Variants in GRHL1 observed in about 807,000 individuals in gnomAD.
The protein encoded by GRHL1 is grainyhead like transcription factor 1, also known as grainyhead-like protein 1 homolog.
Under a neutral mutation model 75.7 loss-of-function variants are expected in GRHL1, and 38 were observed. The ratio of observed to expected loss-of-function variants is 0.50; its 90% CI spans 0.39 to 0.66. GRHL1 has a LOEUF of 0.66. Among genes scored for constraint, GRHL1 ranks in the 30% least tolerant of loss-of-function variants. The pLI is 0.00. For missense variants in GRHL1, 589 were observed against 767.5 expected (o/e 0.77, Z 2.75); for synonymous variants, 266 against 279.4 (o/e 0.95, Z 0.48).
intron 2 of GRHL1, among the ~76,000 whole-genome samples, chr2:9,956,060 T>G (rs2125202662): frequency 6.6e-6 from 1 of 152,384 alleles, no homozygotes; most frequent in South Asian, 2.1e-4. Context: ...AGAAGCTTCT[T>G]AATGACAGTG....
intron 8 of GRHL1, 31 bp from the exon 9 acceptor site, chr2:9,986,093 T>C: frequency 6.4e-7 from 1 of 1,570,140 alleles, no homozygotes; most frequent in East Asian, 2.3e-5. Context: ...TTGGTGCCTG[T>C]TGCTTATGGA....
In GRHL1 at chr2:9,955,074, G is replaced by GCTGGGCCTGCT; in HGVS notation, c.183_193dup (p.Tyr65TrpfsTer39). ...ATGGAGATGAAGACAGCGCCGCTGC[G>GCTGGGCCTGCT]CTGGGCCTGCTCTATGACTACTACA... On this transcript the variant is annotated frameshift_variant, in exon 2 of 16. Coordinates refer to ENST00000324907, the MANE Select transcript of GRHL1 (RefSeq NM_198182.3). LOFTEE classifies it high-confidence loss of function. The GCTGGGCCTGCT allele has an allele frequency of 1.2e-6, 2 of 1,613,390 alleles. No homozygotes were observed. Among genetic ancestry groups the GCTGGGCCTGCT allele is most frequent in the Non-Finnish European group, 1.7e-6 (2 of 1,179,442 alleles).
intron 8 of GRHL1, among the ~76,000 whole-genome samples, chr2:9,985,354 C>T (rs995629815): frequency 2.6e-5 from 4 of 152,142 alleles, no homozygotes; most frequent in Non-Finnish European, 4.4e-5. Context: ...GTTTAGTGAT[C>T]GTTAAGTTCT....
intron 8 of GRHL1, among the ~76,000 whole-genome samples, chr2:9,972,498 A>G (rs1295853456): frequency 6.6e-6 from 1 of 152,050 alleles, no homozygotes; most frequent in Non-Finnish European, 1.5e-5. Flanking sequence ...TTTTATGTGG[A>G]GCTCTTCTGC....
In GRHL1 at chr2:9,998,649, T is replaced by TAC. The variant is rs1170594803; in HGVS notation, c.1678-314_1678-313dup. Among the ~76,000 whole-genome samples the TAC allele has an allele frequency of 6.9e-5, 3 of 43,632 alleles. 1 individual carries two copies. Among genetic ancestry groups the TAC allele is most frequent in the East Asian group, 4.4e-4 (1 of 2,294 alleles). 28.6% of individuals were successfully genotyped at this position (43,632 alleles called of 152,430 possible). ...ACATATACATATATATGTACACATA[T>TAC]ACATATACATATATATGTACACATA... On this transcript the variant is annotated intron_variant, in intron 14 of 15. Coordinates refer to ENST00000324907, the MANE Select transcript of GRHL1 (RefSeq NM_198182.3).
At chr2:9,984,941 A>C (rs904118092) in intron 8 of GRHL1, among the ~76,000 whole-genome samples, 3 of 151,486 alleles carry the variant, frequency 2.0e-5, no homozygotes, top group African/African-American at 7.3e-5. Flanking sequence ...GGTGGCGCAC[A>C]CCTGTGATCC....
chr2:9,991,858 T>C (rs2125241960), intron 10 of GRHL1, 149 bp from the exon 11 acceptor site: 1 of 521,002 alleles, frequency 1.9e-6, no homozygotes, highest in East Asian at 3.1e-5. Context: ...TAAACTGGGA[T>C]TCTTAGGCAG....
intron 8 of GRHL1, among the ~76,000 whole-genome samples, chr2:9,982,544 A>C (rs958775231): frequency 3.3e-5 from 5 of 152,226 alleles, no homozygotes; most frequent in African/African-American, 1.2e-4. Context: ...GCACTGTTGT[A>C]CAGACAGGAT....
At chr2:9,991,079 T>G (rs763552741) in intron 10 of GRHL1, among the ~76,000 whole-genome samples, 1 of 152,226 alleles carries the variant, frequency 6.6e-6, no homozygotes, top group African/African-American at 2.4e-5. Context: ...TTGGGACTTA[T>G]CTAGATTTTT....
At chr2:9,973,746 A>G (rs1048323997) in intron 8 of GRHL1, among the ~76,000 whole-genome samples, 1 of 152,190 alleles carries the variant, frequency 6.6e-6, no homozygotes, top group African/African-American at 2.4e-5. Context: ...AATTTAGTAG[A>G]TAGGTTACTT....
chr2:9,993,764 G>T (rs1249707904), intron 12 of GRHL1, among the ~76,000 whole-genome samples: 1 of 152,184 alleles, frequency 6.6e-6, no homozygotes, highest in African/African-American at 2.4e-5. Context: ...GTTACTAATG[G>T]TGTTCTTTGG....
chr2:10,001,700 AG>A lies in GRHL1; in HGVS notation c.*994del, dbSNP rs1669274512. On this transcript the variant is annotated 3_prime_UTR_variant, in exon 16 of 16. Transcript: ENST00000324907. ...TGCACTGTTTAACAAATGAAGTAAA[AG>A]AAAAACACTACTGCAATCACGTCTT... is the stretch of plus-strand genomic sequence containing the variant. 6.6e-6 allele frequency: 1 copy of A among 152,238 alleles called. No individual in the cohort carries two copies. Among genetic ancestry groups the A allele is most frequent in the South Asian group, 2.1e-4 (1 of 4,838 alleles). 9.4% of individuals were successfully genotyped at this position (152,238 alleles called of 1,614,324 possible). A position where few individuals can be genotyped will look rare whatever the true frequency, so the allele number is the denominator to read the frequency against.
At chr2:9,996,089 A>G in intron 13 of GRHL1, 119 bp downstream of exon 13, 1 of 777,322 alleles carries the variant, frequency 1.3e-6, no homozygotes, top group East Asian at 2.5e-5. Context: ...GAATTCTTCC[A>G]TCAGACTGAC....
In GRHL1 at chr2:9,954,992, G is replaced by A; in HGVS notation, c.98G>A (p.Trp33Ter). The A allele has an allele frequency of 1.2e-6, 2 of 1,613,436 alleles. No individual in the cohort carries two copies. The highest frequency in any genetic ancestry group is 1.7e-6 in the Non-Finnish European group (2 of 1,179,400). The change falls in exon 2 of 16, where the codon TGG becomes TAG. Residue 33 changes from tryptophan to a stop codon, truncating the protein, a stop_gained. Coordinates refer to ENST00000324907, the MANE Select transcript of GRHL1 (RefSeq NM_198182.3). LOFTEE classifies it high-confidence loss of function. ...TCCTACACTAGTGAGGATGAGGCCTGGAAATCCTTCCTGGAAAACCCTCTC... is the reference window on the plus strand; with the variant it reads ...TCCTACACTAGTGAGGATGAGGCCTAGAAATCCTTCCTGGAAAACCCTCTC... ...RRSYTSEDEA[W>*]KSFLENPLTA...
chr2:9,955,034 C>T lies in GRHL1; in HGVS notation c.140C>T (p.Ala47Val), dbSNP rs776139662. The T allele has an allele frequency of 2.5e-6, 4 of 1,613,480 alleles. No homozygotes were observed. The highest frequency in any genetic ancestry group is 1.1e-5 in the South Asian group (1 of 91,082). The change falls in exon 2 of 16, where the codon GCG becomes GTG. Residue 47 changes from alanine to valine, a missense_variant. Ala to Val is a moderately conservative substitution (Grantham distance 64). Around this residue, in one of 5 missense-constraint regions of GRHL1, gnomAD observed 362 missense variants for 461.8 expected, o/e 0.78. Coordinates refer to ENST00000324907, the MANE Select transcript of GRHL1 (RefSeq NM_198182.3). ...LENPLTAATKAMMSINGDEDS... is the reference protein window; with the variant it reads ...LENPLTAATKVMMSINGDEDS... ...AACCCTCTCACTGCAGCGACCAAAG[C>T]GATGATGAGCATCAATGGAGATGAA...
intron 5 of GRHL1, among the ~76,000 whole-genome samples, chr2:9,963,126 A>G (rs1667344197): frequency 6.6e-6 from 1 of 152,230 alleles, no homozygotes; most frequent in Admixed American, 6.5e-5. Context: ...GACTTCCCTT[A>G]TAGATCTGCC....
At chr2:9,969,365 T>TA (rs1185081637) in intron 8 of GRHL1, among the ~76,000 whole-genome samples, 1 of 152,228 alleles carries the variant, frequency 6.6e-6, no homozygotes, top group Non-Finnish European at 1.5e-5. Flanking sequence ...TCCATGCTAT[T>TA]ACGTGCTTGG....
At chr2:9,988,557 G>A (rs1047813341) in intron 9 of GRHL1, among the ~76,000 whole-genome samples, 3 of 152,016 alleles carry the variant, frequency 2.0e-5, no homozygotes, top group South Asian at 2.1e-4. Context: ...TGAAGATCTC[G>A]GAGCTCTTTC....
intron 14 of GRHL1, among the ~76,000 whole-genome samples, chr2:9,997,445 C>G (rs916960730): frequency 2.0e-5 from 3 of 152,168 alleles, no homozygotes; most frequent in Admixed American, 2.0e-4. Flanking sequence ...CAGCGCCGTT[C>G]CCACTGTCAC....
Sources: allele counts gnomAD v4.1 joint callset (sites outside exome capture counted in the v4.1 genomes callset), GRCh38; gene constraint gnomAD v4.1.1; regional missense constraint gnomAD v4.1.1; transcripts MANE v1.5; gene names NCBI Gene and HGNC (gene_info 2026-07-23, HGNC 2026-07-21).